Variants in SLC13A1 observed in about 807,000 individuals in gnomAD.
SLC13A1 encodes Na(+)/sulfate cotransporter.
A neutral mutation model predicts 70.0 loss-of-function variants in SLC13A1; 65 were observed. The ratio of observed to expected loss-of-function variants is 0.93; its 90% CI spans 0.76 to 1.14. The LOEUF is 1.14. Ranked by LOEUF, SLC13A1 falls within the 50% of genes most tolerant of loss-of-function variation. SLC13A1 has a pLI of 0.00. For missense variants in SLC13A1, 726 were observed against 717.8 expected (o/e 1.01, Z -0.13); for synonymous variants, 275 against 250.5 (o/e 1.10, Z -0.92).
chr7:123,181,658 G>T (rs1427718296), intron 1 of SLC13A1, among the ~76,000 whole-genome samples: 1 of 152,118 alleles, frequency 6.6e-6, no homozygotes, highest in Non-Finnish European at 1.5e-5. Flanking sequence ...GGAAGAGCCT[G>T]AATGCTACTC....
chr7:123,129,066 G>A (rs2116312823), intron 9 of SLC13A1, 120 bp from the exon 10 acceptor site: 3 of 737,680 alleles, frequency 4.1e-6, no homozygotes, highest in Admixed American at 2.4e-5. Flanking sequence ...AGAACTAGAT[G>A]TGTCAATAAT....
chr7:123,147,299 C>T lies in SLC13A1; in HGVS notation c.672G>A (p.Met224Ile), dbSNP rs1441512627. Residue 224 changes from methionine to isoleucine, a missense_variant, in exon 7 of 15, where the codon ATG becomes ATA. Transcript: ENST00000194130. ...SKVELEKNSG[M>I]RTKYRTKKGH... is the part of the protein sequence containing the mutation. ...CCTTCTTTGTTCGATATTTGGTTCTCATGCCTGAGTTCTGTTCAACAACAA... is the reference window on the plus strand; with the variant it reads ...CCTTCTTTGTTCGATATTTGGTTCTTATGCCTGAGTTCTGTTCAACAACAA... The T allele has an allele frequency of 4.3e-6, 7 of 1,613,234 alleles. No individual in the cohort carries two copies. Among genetic ancestry groups the T allele is most frequent in the Admixed American group, 3.3e-5 (2 of 59,920 alleles).
rs192217099 is a variant in SLC13A1 at position 123,198,714 on chromosome 7, C to T, written c.99+1134G>A. 3.5e-3 allele frequency among the ~76,000 whole-genome samples: 528 copies of T among 152,110 alleles called. 2 individuals carry two copies. Among genetic ancestry groups the T allele is most frequent in the South Asian group, 0.012 (57 of 4,816 alleles). On this transcript the variant is annotated intron_variant, in intron 1 of 14. Transcript: ENST00000194130. ...CTTCTGGCAGAGGCTGGAGGGACCA[C>T]CATATTATAGTTAATATGATTCTAT...
At chr7:123,128,994 C>T in intron 9 of SLC13A1, 48 bp from the exon 10 acceptor site, 2 of 1,284,340 alleles carry the variant, frequency 1.6e-6, no homozygotes, top group Non-Finnish European at 2.3e-6. Context: ...TCAGTCGGGA[C>T]ATTTGTAGAA....
rs1793883754 is a variant in SLC13A1, at chr7:123,134,493, T to C, written c.849A>G (p.Ser283=). The part of the protein sequence containing the change: ...YPDCRCLNFG[S]WFTFSFPAAL... ...CAGCTGGGAAGGAAAACGTAAACCA[T>C]GATCCAAAGTTGAGGCAACGACAGT... Residue 283 remains serine (S), a synonymous_variant, in exon 8 of 15, where the codon TCA becomes TCG. Coordinates refer to ENST00000194130, the MANE Select transcript of SLC13A1 (RefSeq NM_022444.4). 3 of 1,613,390 alleles carry C rather than the reference T, an allele frequency of 1.9e-6. No homozygotes were observed. Among genetic ancestry groups the C allele is most frequent in the Non-Finnish European group, 2.5e-6 (3 of 1,179,534 alleles).
At chr7:123,131,692 G>A (rs1195183717) in intron 8 of SLC13A1, among the ~76,000 whole-genome samples, 3 of 152,134 alleles carry the variant, frequency 2.0e-5, no homozygotes, top group Non-Finnish European at 4.4e-5. Context: ...AATCTCTGGA[G>A]GTAAACACCT....
chr7:123,138,095 C>A (rs1218601700), intron 7 of SLC13A1, among the ~76,000 whole-genome samples: 2 of 152,100 alleles, frequency 1.3e-5, no homozygotes, highest in South Asian at 2.1e-4. Flanking sequence ...CTTTGGTCAC[C>A]ATTCTTCTAC....
chr7:123,165,394 C>G (rs1795036172), intron 6 of SLC13A1, among the ~76,000 whole-genome samples: 1 of 152,122 alleles, frequency 6.6e-6, no homozygotes, highest in Non-Finnish European at 1.5e-5. Context: ...AAATGCATCT[C>G]CGTTATCTTT....
chr7:123,167,461 AG>A (rs1795113897), intron 6 of SLC13A1, among the ~76,000 whole-genome samples: 1 of 152,180 alleles, frequency 6.6e-6, no homozygotes, highest in Admixed American at 6.5e-5. Flanking sequence ...AATTAACAAG[AG>A]GGTTTTCTTT....
In SLC13A1 at chr7:123,134,513, G is replaced by T; in HGVS notation, c.829C>A (p.Arg277Ser). ...AACCATGATCCAAAGTTGAGGCAAC[G>T]ACAGTCAGGATAGCGTCTGTGTGAA... ...EYFNTRYPDCRCLNFGSWFTF... is the reference protein window; with the variant it reads ...EYFNTRYPDCSCLNFGSWFTF... Residue 277 changes from arginine to serine, a missense_variant, in exon 8 of 15, where the codon CGT becomes AGT. Transcript: ENST00000194130. The T allele has an allele frequency of 6.2e-7, 1 of 1,613,278 alleles. No individual in the cohort carries two copies. Among genetic ancestry groups the T allele is most frequent in the South Asian group, 1.1e-5 (1 of 91,000 alleles).
Position 123,181,163 on chromosome 7 carries a change from A to G in SLC13A1, c.100-62T>C. On this transcript the variant is annotated intron_variant, in intron 1 of 14. Coordinates refer to ENST00000194130, the MANE Select transcript of SLC13A1 (RefSeq NM_022444.4). ...TGAGGCTGGAGAAGTCAACATTCAA[A>G]CACAAACATGTTTGCTTAATAGAGC... The G allele has an allele frequency of 1.9e-6, 3 of 1,560,050 alleles. No homozygotes were observed. In the South Asian group the frequency reaches 3.5e-5, roughly 18 times the overall value.
chr7:123,143,642 C>T (rs1794237699), intron 7 of SLC13A1, among the ~76,000 whole-genome samples: 1 of 152,146 alleles, frequency 6.6e-6, no homozygotes, highest in African/African-American at 2.4e-5. Flanking sequence ...GTTTTCTCTA[C>T]CTCTTCAGTG....
At chr7:123,132,056 T>A (rs937705732) in intron 8 of SLC13A1, among the ~76,000 whole-genome samples, 1 of 152,156 alleles carries the variant, frequency 6.6e-6, no homozygotes, top group Admixed American at 6.5e-5. Context: ...GATTGAATAG[T>A]CCCCAAAGGC....
At chr7:123,119,283 T>A in intron 12 of SLC13A1, 41 bp from the exon 13 acceptor site, 4 of 1,324,558 alleles carry the variant, frequency 3.0e-6, no homozygotes, top group Non-Finnish European at 4.2e-6. Context: ...CATGAATAAT[T>A]CTTTGTAATC....
At chr7:123,196,382 A>T (rs1035789892) in intron 1 of SLC13A1, among the ~76,000 whole-genome samples, 2 of 152,118 alleles carry the variant, frequency 1.3e-5, no homozygotes, top group South Asian at 4.1e-4. Flanking sequence ...TGTACTAGGA[A>T]TATATTTATT....
intron 11 of SLC13A1, among the ~76,000 whole-genome samples, chr7:123,123,723 C>T (rs549809669): frequency 6.6e-6 from 1 of 151,886 alleles, no homozygotes; most frequent in Non-Finnish European, 1.5e-5. Flanking sequence ...GATAGATTCA[C>T]CAAGATTTCA....
Position 123,125,640 on chromosome 7 carries a change from A to G in SLC13A1, c.1169T>C (p.Leu390Ser). ...PGFATDSTVA[L>S]LIGLLFFLIP... Reference sequence around the variant, plus strand: ...AAGAAAGAATAGCAGCCCTATAAGTAAAGCAACAGTTGAATCTGTAGCAAA... The same window carrying G: ...AAGAAAGAATAGCAGCCCTATAAGTGAAGCAACAGTTGAATCTGTAGCAAA... Residue 390 changes from leucine to serine, a missense_variant, in exon 11 of 15, where the codon TTA (leucine) becomes TCA (serine). Transcript: ENST00000194130. The G allele has an allele frequency of 6.2e-7, 1 of 1,613,452 alleles. No individual in the cohort carries two copies. Among genetic ancestry groups the G allele is most frequent in the Non-Finnish European group, 8.5e-7 (1 of 1,179,654 alleles).
At chr7:123,160,295 G>A (rs1052124375) in intron 6 of SLC13A1, among the ~76,000 whole-genome samples, 10 of 149,612 alleles carry the variant, frequency 6.7e-5, no homozygotes, top group African/African-American at 1.2e-4. Context: ...AAAGCTGGTC[G>A]TCCTGTATTA....
chr7:123,123,572 C>T (rs1793460880), intron 11 of SLC13A1, among the ~76,000 whole-genome samples: 2 of 152,142 alleles, frequency 1.3e-5, no homozygotes, highest in African/African-American at 4.8e-5. Flanking sequence ...GTGAATAGCA[C>T]AGTGCATTAG....
Sources: allele counts gnomAD v4.1 joint callset (sites outside exome capture counted in the v4.1 genomes callset), GRCh38; gene constraint gnomAD v4.1.1; transcripts MANE v1.5; gene names NCBI Gene and HGNC (gene_info 2026-07-23, HGNC 2026-07-21).